SLC35A3: variants seen among roughly 807,000 people sequenced by gnomAD.
SLC35A3 encodes UDP-N-acetylglucosamine transporter.
SLC35A3 carries 26 observed loss-of-function variants against 39.0 expected under a neutral mutation model. The ratio of observed to expected loss-of-function variants is 0.67; its 90% CI spans 0.49 to 0.92. The LOEUF is 0.92. Among genes scored for constraint, SLC35A3 ranks in the 40% least tolerant of loss-of-function variants. The probability of loss-of-function intolerance (pLI) is 0.00; values close to 1 mark genes in which losing one functional copy is unlikely to be tolerated. For synonymous variants in SLC35A3, 135 were observed against 133.1 expected (o/e 1.01, Z -0.10); for missense variants, 299 against 371.6 (o/e 0.80, Z 1.61).
intron 1 of SLC35A3, among the ~76,000 whole-genome samples, chr1:99,978,395 C>G (rs1022330931): frequency 6.6e-6 from 1 of 152,122 alleles, no homozygotes; most frequent in Non-Finnish European, 1.5e-5. Context: ...GGTGTGGTGG[C>G]ACATGCCTGT....
chr1:99,985,735 A>T (rs1657707502), intron 1 of SLC35A3, among the ~76,000 whole-genome samples: 1 of 152,108 alleles, frequency 6.6e-6, no homozygotes, highest in Admixed American at 6.6e-5. Context: ...GTCATCTATG[A>T]TTTCTTTCAG....
chr1:99,980,501 A>T lies in SLC35A3; in HGVS notation c.-19+10339A>T, dbSNP rs140963438. 1.6e-3 allele frequency among the ~76,000 whole-genome samples: 251 copies of T among 152,346 alleles called. 3 individuals carry two copies. Among genetic ancestry groups the T allele is most frequent in the African/African-American group, 5.6e-3 (234 of 41,568 alleles). Reference sequence around the variant, plus strand: ...ATTTTTATCTAAACATTAGAATGCAAATAGGTTTTATATTTGTATAGGTAA... The same window carrying T: ...ATTTTTATCTAAACATTAGAATGCATATAGGTTTTATATTTGTATAGGTAA... On this transcript the variant is annotated intron_variant, in intron 1 of 7. Coordinates refer to ENST00000533028, the MANE Select transcript of SLC35A3 (RefSeq NM_012243.3).
chr1:99,979,633 C>T (rs1277536696), intron 1 of SLC35A3, among the ~76,000 whole-genome samples: 1 of 151,418 alleles, frequency 6.6e-6, no homozygotes, highest in African/African-American at 2.4e-5. Flanking sequence ...CGGTGTTTCA[C>T]CGTGTTAGCC....
At position 100,034,898 on chromosome 1, in the gene SLC35A3, T is replaced by C. The variant is rs2101567497; in HGVS notation, c.*12422T>C. 6.6e-6 allele frequency: 1 copy of C among 152,338 alleles called. No homozygotes were observed. The highest frequency in any genetic ancestry group is 6.5e-5 in the Admixed American group (1 of 15,302). 9.4% of individuals were successfully genotyped at this position (152,338 alleles called of 1,614,324 possible). A position where few individuals can be genotyped will look rare whatever the true frequency, so the allele number is the denominator to read the frequency against. On this transcript the variant is annotated 3_prime_UTR_variant, in exon 8 of 8. Coordinates refer to ENST00000533028, the MANE Select transcript of SLC35A3 (RefSeq NM_012243.3). ...TTCTGCTTGTTTCTAAGCCTGATTC[T>C]TGGCCTTCTCATTAATTTTCAAAAC...
At chr1:100,006,884 G>T in intron 3 of SLC35A3, 150 bp from the exon 4 acceptor site, 2 of 830,868 alleles carry the variant, frequency 2.4e-6, no homozygotes, top group Non-Finnish European at 3.6e-6. Flanking sequence ...CCTGAGACTG[G>T]CATTAACTGA....
intron 1 of SLC35A3, among the ~76,000 whole-genome samples, chr1:99,981,606 G>C (rs1244598945): frequency 6.6e-6 from 1 of 151,660 alleles, no homozygotes; most frequent in African/African-American, 2.4e-5. Flanking sequence ...TCAGCCTCCC[G>C]AGTAGCTGGG....
At position 100,033,732 on chromosome 1, in the gene SLC35A3, CAT is replaced by C. The variant is rs1214031256; in HGVS notation, c.*11259_*11260del. ...ACCGTCAGTGAATATATTATCTGTT[CAT>C]ATTTTCTGTAGTCTTATTTCTTTTT... On this transcript the variant is annotated 3_prime_UTR_variant, in exon 8 of 8. Coordinates refer to ENST00000533028, the MANE Select transcript of SLC35A3 (RefSeq NM_012243.3). 6.6e-6 allele frequency: 1 copy of C among 152,126 alleles called. No individual in the cohort carries two copies. Among genetic ancestry groups the C allele is most frequent in the Admixed American group, 6.6e-5 (1 of 15,260 alleles). The allele number at this position is 152,126 out of a possible 1,614,324, so 9.4% of individuals were successfully genotyped here.
At chr1:99,972,001 G>A (rs1473488794) in intron 1 of SLC35A3, among the ~76,000 whole-genome samples, 8 of 151,828 alleles carry the variant, frequency 5.3e-5, no homozygotes, top group Non-Finnish European at 8.8e-5. Context: ...GGGTTCAAGC[G>A]ATTCTCCTGC....
chr1:99,975,024 A>T (rs564592745), intron 1 of SLC35A3: 2 of 152,100 alleles, frequency 1.3e-5, no homozygotes, highest in African/African-American at 4.8e-5. Flanking sequence ...GCTCACTGCA[A>T]CTTCCACCTC....
rs1026571055 is a variant in SLC35A3 at position 100,031,072 on chromosome 1, G to A, written c.*8596G>A. 8 of 151,616 alleles carry A rather than the reference G, an allele frequency of 5.3e-5. No individual in the cohort carries two copies. The highest frequency in any genetic ancestry group is 2.0e-4 in the Admixed American group (3 of 15,228). The allele number at this position is 151,616 out of a possible 1,614,324, so 9.4% of individuals were successfully genotyped here. A position where few individuals can be genotyped will look rare whatever the true frequency, so the allele number is the denominator to read the frequency against. On this transcript the variant is annotated 3_prime_UTR_variant, in exon 8 of 8. Transcript: ENST00000533028. ...CATATTATTTTTCTCCATTTCCCTC[G>A]TGTCAAGTTTCATTTTGTTTTCAAT...
In SLC35A3 at chr1:100,027,940, CCTT is replaced by C. The variant is rs1661005621; in HGVS notation, c.*5465_*5467del. ...AATCTGAATCTTATAGATAATACTA[CCTT>C]TTTTTTTTTTTTTTTTTTTTTTTTG... On this transcript the variant is annotated 3_prime_UTR_variant, in exon 8 of 8. Coordinates refer to ENST00000533028, the MANE Select transcript of SLC35A3 (RefSeq NM_012243.3). 7.2e-6 allele frequency: 1 copy of C among 138,462 alleles called. No individual in the cohort carries two copies. Among genetic ancestry groups the C allele is most frequent in the African/African-American group, 2.8e-5 (1 of 35,562 alleles). 8.6% of individuals were successfully genotyped at this position (138,462 alleles called of 1,614,324 possible).
Position 100,011,529 on chromosome 1 carries a change from G to C in SLC35A3, c.630G>C (p.Gln210His). 7.4e-7 allele frequency: 1 copy of C among 1,343,620 alleles called. No homozygotes were observed. Among genetic ancestry groups the C allele is most frequent in the Non-Finnish European group, 1.0e-6 (1 of 991,606 alleles). The allele number at this position is 1,343,620 out of a possible 1,614,324, so 83.2% of individuals were successfully genotyped here. ...AATCAGTGTGGATAAGAAATATTCAGCTTGGTAAGTTTTAAATGTTTTCTA... is the reference window on the plus strand; with the variant it reads ...AATCAGTGTGGATAAGAAATATTCACCTTGGTAAGTTTTAAATGTTTTCTA... The part of the protein sequence containing the change: ...TKQSVWIRNI[Q>H]LGFFGSIFGL... The change falls in exon 5 of 8, where the codon CAG (glutamine) becomes CAC (histidine). Residue 210 changes from glutamine to histidine, a missense_variant. Gln to His is a conservative substitution (Grantham distance 24). Coordinates refer to ENST00000533028, the MANE Select transcript of SLC35A3 (RefSeq NM_012243.3).
chr1:100,010,989 C>G (rs1292948913), intron 4 of SLC35A3, among the ~76,000 whole-genome samples: 1 of 152,150 alleles, frequency 6.6e-6, no homozygotes, highest in Non-Finnish European at 1.5e-5. Context: ...TACTTTCCAG[C>G]TGATCTCTAC....
chr1:100,027,463 A>G lies in SLC35A3; in HGVS notation c.*4987A>G, dbSNP rs1660986832. 3.0e-6 allele frequency: 1 copy of G among 338,790 alleles called. No individual in the cohort carries two copies. The highest frequency in any genetic ancestry group is 2.1e-5 in the African/African-American group (1 of 47,430). 21.0% of individuals were successfully genotyped at this position (338,790 alleles called of 1,614,324 possible). A position where few individuals can be genotyped will look rare whatever the true frequency, so the allele number is the denominator to read the frequency against. On this transcript the variant is annotated 3_prime_UTR_variant, in exon 8 of 8. Coordinates refer to ENST00000533028, the MANE Select transcript of SLC35A3 (RefSeq NM_012243.3). ...AGACTCTGTCTCAAAAAACAAACAA[A>G]ACAAAAACTGAAACAACAAAAAAAG...
rs1491381678 is a variant in SLC35A3, at chr1:99,997,407, GTT to G, written c.188-1851_188-1850del. On this transcript the variant is annotated intron_variant, in intron 2 of 7. Transcript: ENST00000533028. ...TATACAGTTATATGTTTTATATATAGTTTTATATATATATATATATATATATA... is the reference window on the plus strand; with the variant it reads ...TATACAGTTATATGTTTTATATATAGTTATATATATATATATATATATATA... Among the ~76,000 whole-genome samples the G allele has an allele frequency of 3.7e-3, 230 of 61,576 alleles. 12 individuals carry two copies. Among genetic ancestry groups the G allele is most frequent in the African/African-American group, 0.018 (174 of 9,424 alleles). The allele number at this position is 61,576 out of a possible 152,430, so 40.4% of individuals were successfully genotyped here. A position where few individuals can be genotyped will look rare whatever the true frequency, so the allele number is the denominator to read the frequency against.
At position 100,024,599 on chromosome 1, in the gene SLC35A3, T is replaced by C; in HGVS notation, c.*2123T>C. The C allele has an allele frequency of 3.9e-6, 1 of 257,014 alleles. No individual in the cohort carries two copies. Among genetic ancestry groups the C allele is most frequent in the East Asian group, 6.6e-5 (1 of 15,224 alleles). 15.9% of individuals were successfully genotyped at this position (257,014 alleles called of 1,614,324 possible). ...CACACACACACACACACCCACAGTA[T>C]GAATGAAAAAAATAAAATACTTCTT... On this transcript the variant is annotated 3_prime_UTR_variant, in exon 8 of 8. Transcript: ENST00000533028.
At chr1:100,010,807 A>G (rs994333412) in intron 4 of SLC35A3, among the ~76,000 whole-genome samples, 2 of 152,252 alleles carry the variant, frequency 1.3e-5, no homozygotes, top group African/African-American at 2.4e-5. Context: ...CATCTAAGCC[A>G]TAGGGTACTA....
At chr1:99,982,021 T>C (rs934022470) in intron 1 of SLC35A3, among the ~76,000 whole-genome samples, 2 of 148,468 alleles carry the variant, frequency 1.3e-5, no homozygotes, top group East Asian at 1.9e-4. Context: ...TTTTTTTTTT[T>C]TGAGACGGAG....
chr1:99,971,039 A>G (rs1237283801), intron 1 of SLC35A3, among the ~76,000 whole-genome samples: 1 of 152,084 alleles, frequency 6.6e-6, no homozygotes, highest in Non-Finnish European at 1.5e-5. Flanking sequence ...TCTTACTTGC[A>G]CTATAGCAAT....
Sources: allele counts gnomAD v4.1 joint callset (sites outside exome capture counted in the v4.1 genomes callset), GRCh38; gene constraint gnomAD v4.1.1; transcripts MANE v1.5; gene names NCBI Gene and HGNC (gene_info 2026-07-23, HGNC 2026-07-21).